NUP205: variants seen among roughly 807,000 people sequenced by gnomAD.
NUP205 encodes nucleoporin 205.
Under a neutral mutation model 253.8 loss-of-function variants are expected in NUP205, and 76 were observed. The ratio of observed to expected loss-of-function variants is 0.30; its 90% confidence interval spans 0.25 to 0.36. The LOEUF is 0.36. NUP205 is among the 10% of genes least tolerant of loss of function. The pLI, the probability that NUP205 is intolerant of heterozygous loss-of-function variation, is 1.00. For synonymous variants in NUP205, 832 were observed against 850.1 expected, an observed-to-expected ratio of 0.98 and a Z score of 0.37; for missense variants, 2,162 against 2,425.5, an observed-to-expected ratio of 0.89 and a Z score of 2.28.
intron 27 of NUP205, 107 bp downstream of exon 27, chr7:135,617,789 C>T: frequency 1.8e-6 from 1 of 556,924 alleles, no homozygotes; most frequent in South Asian, 3.5e-5. Flanking sequence ...TAGTAAGCTG[C>T]CTAAAAATTA....
In NUP205 at chr7:135,617,569, G is replaced by A. The variant is rs377556040; in HGVS notation, c.3691-33G>A. The A allele has an allele frequency of 9.8e-6, 15 of 1,531,996 alleles. 1 individual carries two copies. In the African/African-American group the frequency reaches 2.0e-4, roughly 21 times the overall value. The allele number at this position is 1,531,996 out of a possible 1,614,324, so 94.9% of individuals were successfully genotyped here. A position where few individuals can be genotyped will look rare whatever the true frequency, so the allele number is the denominator to read the frequency against. ...TTACTGTTCTACCAGTGTCTGAAATGTCTTATTTTTCTTTCTTTTCCTAAT... is the reference window on the plus strand; with the variant it reads ...TTACTGTTCTACCAGTGTCTGAAATATCTTATTTTTCTTTCTTTTCCTAAT... On this transcript the variant is annotated intron_variant, in intron 26 of 42. Transcript: ENST00000285968.
At position 135,645,024 on chromosome 7, in the gene NUP205, C is replaced by G. The variant is rs1226858559; in HGVS notation, c.5683+6C>G. The G allele has an allele frequency of 6.2e-7, 1 of 1,613,544 alleles. No homozygotes were observed. Among genetic ancestry groups the G allele is most frequent in the Admixed American group, 1.7e-5 (1 of 59,886 alleles). ...ACTGCTTTCCCTTTGTTCTTGTATCCTTTATGAAATCATGCACTTGAATGA... is the reference window on the plus strand; with the variant it reads ...ACTGCTTTCCCTTTGTTCTTGTATCGTTTATGAAATCATGCACTTGAATGA... On this transcript the variant is annotated splice_donor_region_variant and intron_variant, in intron 40 of 42. Coordinates refer to ENST00000285968, the MANE Select transcript of NUP205 (RefSeq NM_015135.3).
At chr7:135,605,073 T>C (rs1453335017) in intron 19 of NUP205, among the ~76,000 whole-genome samples, 6 of 152,178 alleles carry the variant, frequency 3.9e-5, no homozygotes, top group Non-Finnish European at 7.3e-5. Flanking sequence ...TTTCTTCTTT[T>C]GAGACAGGAA....
intron 35 of NUP205, chr7:135,635,353 A>G (rs1794787155): frequency 6.1e-6 from 2 of 326,382 alleles, no homozygotes; most frequent in Non-Finnish European, 1.1e-5. Flanking sequence ...TTTTAAGATC[A>G]TTTCACTCTG....
intron 10 of NUP205, among the ~76,000 whole-genome samples, chr7:135,590,153 C>T (rs1479078652): frequency 1.3e-5 from 2 of 150,708 alleles, no homozygotes; most frequent in Non-Finnish European, 3.0e-5. Flanking sequence ...ACTTTGTCAC[C>T]CAAGTTGGAG....
Position 135,629,765 on chromosome 7 carries a change from G to A in NUP205, c.4933-579G>A, listed in dbSNP as rs918495607. Among the ~76,000 whole-genome samples, 3 of 152,118 alleles carry A rather than the reference G, an allele frequency of 2.0e-5. No homozygotes were observed. In the East Asian group the frequency reaches 5.8e-4, roughly 29 times the overall value. On this transcript the variant is annotated intron_variant, in intron 34 of 42. Transcript: ENST00000285968. ...TGGTCTCAAACTCCTGACCTCAGGT[G>A]ATACCCGCCTCAGCCTCCCAAAGTG...
At chr7:135,563,974 A>T (rs1805668440) in intron 1 of NUP205, among the ~76,000 whole-genome samples, 1 of 152,090 alleles carries the variant, frequency 6.6e-6, no homozygotes, top group African/African-American at 2.4e-5. Flanking sequence ...GGTGACAGCA[A>T]GACCCTGTCA....
Position 135,602,870 on chromosome 7 carries a change from G to A in NUP205, c.2578G>A (p.Glu860Lys). The A allele has an allele frequency of 6.2e-7, 1 of 1,614,012 alleles. No homozygotes were observed. Among genetic ancestry groups the A allele is most frequent in the Non-Finnish European group, 8.5e-7 (1 of 1,179,942 alleles). Residue 860 changes from glutamate (E) to lysine (K), a missense_variant, in exon 18 of 43, where the codon GAA becomes AAA. Transcript: ENST00000285968. ...ACTTCTCAATCTTACTCTGCAAAAG[G>A]AAAATCTTTTTATGGACCTTCTAAG... ...LALLNLTLQKENLFMDLLRES... is the reference protein window; with the variant it reads ...LALLNLTLQKKNLFMDLLRES...
intron 25 of NUP205, 146 bp from the exon 26 acceptor site, chr7:135,616,944 T>A: frequency 1.5e-6 from 1 of 657,332 alleles, no homozygotes; most frequent in Non-Finnish European, 2.5e-6. Flanking sequence ...TAAAATCAAA[T>A]TTAGATTCCA....
At chr7:135,576,659 C>T (rs1158234914) in intron 4 of NUP205, among the ~76,000 whole-genome samples, 1 of 152,112 alleles carries the variant, frequency 6.6e-6, no homozygotes, top group African/African-American at 2.4e-5. Flanking sequence ...TTACAGATTA[C>T]AGTCTTGAGC....
At chr7:135,580,195 T>C (rs887488613) in intron 7 of NUP205, among the ~76,000 whole-genome samples, 1 of 152,238 alleles carries the variant, frequency 6.6e-6, no homozygotes, top group African/African-American at 2.4e-5. Context: ...AATCGTGTAA[T>C]TCCAGAACAT....
Position 135,638,013 on chromosome 7 carries a change from G to A in NUP205, c.5219G>A (p.Gly1740Glu). Residue 1740 changes from glycine to glutamate, a missense_variant, in exon 37 of 43, where the codon GGA becomes GAA. Coordinates refer to ENST00000285968, the MANE Select transcript of NUP205 (RefSeq NM_015135.3). ...QFKFQDDNVE[G>E]DKVSKKDEIE... ...AAATTTCAAGACGATAATGTGGAGG[G>A]AGATAAAGTAAGCAAGAAAGATGAG... 7 of 1,614,110 alleles carry A rather than the reference G, an allele frequency of 4.3e-6. No homozygotes were observed. Among genetic ancestry groups the A allele is most frequent in the Non-Finnish European group, 5.9e-6 (7 of 1,179,960 alleles).
chr7:135,568,106 C>T (rs1392906166), intron 1 of NUP205, among the ~76,000 whole-genome samples: 1 of 151,858 alleles, frequency 6.6e-6, no homozygotes, highest in African/African-American at 2.4e-5. Flanking sequence ...GCCTGTAATC[C>T]CAGCTACTCA....
chr7:135,634,284 T>C (rs1794768996), intron 35 of NUP205, among the ~76,000 whole-genome samples: 1 of 152,094 alleles, frequency 6.6e-6, no homozygotes, highest in South Asian at 2.1e-4. Context: ...ATACATAGAA[T>C]AGTTAGATGG....
At chr7:135,608,575 G>A (rs1794139004) in intron 22 of NUP205, among the ~76,000 whole-genome samples, 3 of 151,934 alleles carry the variant, frequency 2.0e-5, no homozygotes, top group South Asian at 4.2e-4. Context: ...GGGCGTGGTG[G>A]CACGTGCCTG....
chr7:135,635,456 C>CTT (rs1327238272), intron 35 of NUP205, 125 bp from the exon 36 acceptor site: 5 of 520,702 alleles, frequency 9.6e-6, no homozygotes, highest in Non-Finnish European at 1.7e-5. Context: ...GTTCTCAAAA[C>CTT]TTTTTTATGG....
intron 25 of NUP205, 122 bp downstream of exon 25, chr7:135,616,848 A>G: frequency 1.5e-6 from 1 of 668,668 alleles, no homozygotes; most frequent in Non-Finnish European, 2.3e-6. Context: ...AGTTATATAA[A>G]GGATTAATTG....
intron 38 of NUP205, among the ~76,000 whole-genome samples, chr7:135,639,631 C>T (rs1308414715): frequency 4.7e-5 from 7 of 150,124 alleles, no homozygotes; most frequent in South Asian, 2.1e-4. Context: ...GCGGAGGTTG[C>T]GGTGAGCTGA....
Position 135,594,745 on chromosome 7 carries a change from C to A in NUP205, c.2013+16C>A. 1 of 1,586,046 alleles carries A rather than the reference C, an allele frequency of 6.3e-7. No individual in the cohort carries two copies. The highest frequency in any genetic ancestry group is 8.6e-7 in the Non-Finnish European group (1 of 1,165,704). On this transcript the variant is annotated intron_variant, in intron 13 of 42. Coordinates refer to ENST00000285968, the MANE Select transcript of NUP205 (RefSeq NM_015135.3). Reference sequence around the variant, plus strand: ...ATACACTCAGGTAGGGCTCTGAAGTCCCTTATTTATATTATCCCAATGTGG... The same window carrying A: ...ATACACTCAGGTAGGGCTCTGAAGTACCTTATTTATATTATCCCAATGTGG...
Sources: gnomAD v4.1 joint callset for allele counts (sites outside exome capture counted in the v4.1 genomes callset) on GRCh38, gnomAD v4.1.1 for gene constraint, MANE v1.5 for transcripts, NCBI Gene and HGNC (gene_info 2026-07-23, HGNC 2026-07-21) for gene names.